The following XKRX variants were observed in gnomAD, a reference collection of about 807,000 sequenced individuals.
XKRX encodes XK-related protein 2.
A neutral mutation model predicts 22.4 loss-of-function variants in XKRX; 11 were observed. That is an observed-to-expected ratio of 0.49 (90% CI 0.31 to 0.81). XKRX has a LOEUF of 0.81. Ranked by LOEUF, XKRX falls within the 40% of genes least tolerant of loss-of-function variation. The pLI, the probability that XKRX is intolerant of heterozygous loss-of-function variation, is 0.05. For missense variants in XKRX, 320 were observed against 336.5 expected (o/e 0.95, Z 0.38); for synonymous variants, 114 against 132.2 (o/e 0.86, Z 0.94).
chrX:100,955,682 T>G, the XKRX span, among the ~76,000 whole-genome samples: 1 of 110,816 alleles, frequency 9.0e-6, no homozygotes, highest in Non-Finnish European at 1.9e-5. Flanking sequence ...CAAAAATAAA[T>G]AAATAAAGAG....
At chrX:100,916,685 A>C (rs981629041) in intron 2 of XKRX, among the ~76,000 whole-genome samples, 1 of 112,835 alleles carries the variant, frequency 8.9e-6, no homozygotes, top group African/African-American at 3.2e-5. Flanking sequence ...ATGTGTATTG[A>C]AAATTCCATG....
intron 1 of XKRX, among the ~76,000 whole-genome samples, chrX:100,924,864 G>A (rs2085491671): frequency 9.0e-6 from 1 of 111,646 alleles, no homozygotes; most frequent in African/African-American, 3.3e-5. Context: ...AGGTTGATAT[G>A]CTCTCTAGCC....
At chrX:100,937,355 C>T in the XKRX span, among the ~76,000 whole-genome samples, 3 of 111,755 alleles carry the variant, frequency 2.7e-5, no homozygotes, top group Non-Finnish European at 3.8e-5. Context: ...AATTGCTAGT[C>T]AGCTCTTATC....
the XKRX span, among the ~76,000 whole-genome samples, chrX:100,897,669 G>A: frequency 0.013 from 797 of 61,771 alleles, 18 homozygotes; most frequent in African/African-American, 0.051. Context: ...GAAAAGCCCA[G>A]AAGCAATGAC....
At chrX:100,934,987 CAGAGAGAGACAG>C in the XKRX span, among the ~76,000 whole-genome samples, 5 of 107,420 alleles carry the variant, frequency 4.7e-5, no homozygotes, top group Admixed American at 2.1e-4. Context: ...CAGAGAGAGA[CAGAGAGAGACAG>C]AGAGAGAGAG....
the XKRX span, among the ~76,000 whole-genome samples, chrX:100,903,654 G>A: frequency 8.9e-6 from 1 of 112,002 alleles, no homozygotes; most frequent in Non-Finnish European, 1.9e-5. Context: ...TAACAGGTGT[G>A]TAGTAGTATC....
At chrX:100,918,457 G>GT (rs760135125) in intron 2 of XKRX, among the ~76,000 whole-genome samples, 1 of 111,805 alleles carries the variant, frequency 8.9e-6, no homozygotes, top group East Asian at 2.8e-4. Flanking sequence ...GATTAGTAGT[G>GT]TAACAGAAGG....
chrX:100,950,434 C>A, the XKRX span, among the ~76,000 whole-genome samples: 1 of 111,842 alleles, frequency 8.9e-6, no homozygotes, highest in African/African-American at 3.2e-5. Context: ...ATAGATAAGT[C>A]CACAATTGTA....
chrX:100,955,559 G>A, the XKRX span, among the ~76,000 whole-genome samples: 1 of 110,925 alleles, frequency 9.0e-6, no homozygotes, highest in Non-Finnish European at 1.9e-5. Flanking sequence ...TATAATCCCA[G>A]CTACTCAGGA....
Position 100,928,911 on chromosome X carries a change from A to G in XKRX, c.-607T>C. On this transcript the variant is annotated 5_prime_UTR_variant, in exon 1 of 3. Coordinates refer to ENST00000372956, the MANE Select transcript of XKRX (RefSeq NM_212559.3). ...GCCCGCTCACCTGCGCGCTCTCAGG[A>G]CCTTTGCCGAGTCCAGGGTTCTCAG... The G allele has an allele frequency of 1.4e-6, 1 of 704,425 alleles. No homozygotes were observed. Among genetic ancestry groups the G allele is most frequent in the Non-Finnish European group, 1.7e-6 (1 of 594,229 alleles). The allele number at this position is 704,425 out of a possible 1,213,427, so 58.1% of individuals were successfully genotyped here. A position where few individuals can be genotyped will look rare whatever the true frequency, so the allele number is the denominator to read the frequency against.
the XKRX span, among the ~76,000 whole-genome samples, chrX:100,951,234 C>CAAAA: frequency 7.9e-5 from 2 of 25,463 alleles, no homozygotes; most frequent in Admixed American, 1.2e-3. Flanking sequence ...GGCTCCATCG[C>CAAAA]AAAAAAAAAA....
chrX:100,922,701 G>A (rs1375750388), intron 2 of XKRX, 92 bp downstream of exon 2: 5 of 895,870 alleles, frequency 5.6e-6, no homozygotes, highest in Admixed American at 3.4e-5. Flanking sequence ...ATAGCCACAT[G>A]AAGCTAGTGG....
At chrX:100,956,888 C>T in the XKRX span, 4 of 926,498 alleles carry the variant, frequency 4.3e-6, no homozygotes, top group Non-Finnish European at 6.2e-6. Context: ...GAATTTGTCA[C>T]AAGTGAGTCT....
chrX:100,897,906 GGA>G, the XKRX span, among the ~76,000 whole-genome samples: 11 of 109,786 alleles, frequency 1.0e-4, no homozygotes, highest in Non-Finnish European at 1.9e-5. Context: ...ACTTTGGAGG[GGA>G]TTCTACTGGC....
the XKRX span, among the ~76,000 whole-genome samples, chrX:100,900,795 T>TG: frequency 9.8e-6 from 1 of 102,224 alleles, no homozygotes; most frequent in Non-Finnish European, 2.0e-5. Flanking sequence ...CTCCTTTTTT[T>TG]TTTTTTTTTT....
At chrX:100,951,107 G>A in the XKRX span, among the ~76,000 whole-genome samples, 2 of 108,377 alleles carry the variant, frequency 1.8e-5, no homozygotes, top group Admixed American at 2.0e-4. Flanking sequence ...GGTGGTGGGC[G>A]CCTGTAATCC....
At chrX:100,896,016 T>C in the XKRX span, among the ~76,000 whole-genome samples, 2 of 111,590 alleles carry the variant, frequency 1.8e-5, no homozygotes, top group South Asian at 3.8e-4. Context: ...GGAAAAATAA[T>C]AGGATGTGAG....
the XKRX span, among the ~76,000 whole-genome samples, chrX:100,939,459 C>G: frequency 0.014 from 1,595 of 111,639 alleles, 25 homozygotes; most frequent in African/African-American, 0.05. Context: ...TGTTTCCTTC[C>G]CTCCCCGCCC....
chrX:100,888,663 C>G, the XKRX span: 1 of 381,770 alleles, frequency 2.6e-6, no homozygotes, highest in Non-Finnish European at 4.6e-6. Flanking sequence ...AGCAAGCTGA[C>G]AAACGTATCT....
Sources: gnomAD v4.1 joint callset for allele counts (sites outside exome capture counted in the v4.1 genomes callset) on GRCh38, gnomAD v4.1.1 for gene constraint, MANE v1.5 for transcripts, NCBI Gene and HGNC (gene_info 2026-07-23, HGNC 2026-07-21) for gene names.